Variants in RBFOX3 observed in about 807,000 individuals in gnomAD.
The protein encoded by RBFOX3 is RNA binding fox-1 homolog 3, also known as RNA binding protein fox-1 homolog 3.
A neutral mutation model predicts 48.7 loss-of-function variants in RBFOX3; 17 were observed. The observed-to-expected ratio is 0.35, with a 90% CI of 0.24 to 0.52. RBFOX3 has a LOEUF of 0.52. Ranked by LOEUF, RBFOX3 falls within the 20% of genes least tolerant of loss-of-function variation. RBFOX3 has a pLI of 0.94. For synonymous variants in RBFOX3, 212 were observed against 209.5 expected, an observed-to-expected ratio of 1.01 and a Z score of -0.10; for missense variants, 382 against 497.5, an observed-to-expected ratio of 0.77 and a Z score of 2.21.
intron 3 of RBFOX3, among the ~76,000 whole-genome samples, chr17:79,273,548 C>G (rs926771460): frequency 8.0e-6 from 1 of 124,666 alleles, no homozygotes; most frequent in Non-Finnish European, 1.6e-5. Flanking sequence ...GCTTGGCAGG[C>G]TATAGGGTAA....
chr17:79,176,458 G>C (rs1247441099), intron 4 of RBFOX3, among the ~76,000 whole-genome samples: 1 of 152,206 alleles, frequency 6.6e-6, no homozygotes, highest in African/African-American at 2.4e-5. Flanking sequence ...CCAGGCCCAA[G>C]CCCCCCAGCC....
chr17:79,120,979 G>C (rs989971737), intron 4 of RBFOX3, among the ~76,000 whole-genome samples: 6 of 151,846 alleles, frequency 4.0e-5, no homozygotes, highest in Admixed American at 1.3e-4. Context: ...CCCTGCCATG[G>C]GCCAGGCACT....
At chr17:79,163,637 A>G (rs1028188642) in intron 4 of RBFOX3, among the ~76,000 whole-genome samples, 2 of 152,194 alleles carry the variant, frequency 1.3e-5, no homozygotes, top group South Asian at 4.1e-4. Flanking sequence ...CTGCCCACCC[A>G]GCACTGGGTG....
intron 2 of RBFOX3, among the ~76,000 whole-genome samples, chr17:79,475,188 C>G (rs981432260): frequency 2.6e-5 from 4 of 152,128 alleles, no homozygotes; most frequent in African/African-American, 9.7e-5. Context: ...CTCAGCTCAT[C>G]GTTCCAGGTG....
intron 3 of RBFOX3, among the ~76,000 whole-genome samples, chr17:79,300,084 A>G (rs1199336245): frequency 6.6e-6 from 1 of 152,052 alleles, no homozygotes; most frequent in Non-Finnish European, 1.5e-5. Context: ...TTGTATTTTT[A>G]GTAGAGATGG....
chr17:79,516,611 C>T (rs998651039), intron 1 of RBFOX3, among the ~76,000 whole-genome samples: 1 of 152,222 alleles, frequency 6.6e-6, no homozygotes, highest in African/African-American at 2.4e-5. Context: ...CTCCTGAGAG[C>T]CTGGCCCAGA....
chr17:79,160,929 G>A (rs2046839716), intron 4 of RBFOX3, among the ~76,000 whole-genome samples: 2 of 148,582 alleles, frequency 1.3e-5, no homozygotes, highest in African/African-American at 5.0e-5. Flanking sequence ...GCAATGAGCT[G>A]AGATCACACC....
intron 4 of RBFOX3, among the ~76,000 whole-genome samples, chr17:79,213,082 C>T (rs2058587718): frequency 6.6e-6 from 1 of 152,214 alleles, no homozygotes; most frequent in South Asian, 2.1e-4. Flanking sequence ...GTCATGAACT[C>T]CTGACCTCAA....
intron 6 of RBFOX3, among the ~76,000 whole-genome samples, chr17:79,104,887 C>T (rs1191098488): frequency 2.4e-5 from 2 of 82,896 alleles, no homozygotes; most frequent in Non-Finnish European, 5.5e-5. Flanking sequence ...CCCTGCACAG[C>T]CTGTCATGGG....
chr17:79,379,182 T>C (rs1051803911), intron 2 of RBFOX3, among the ~76,000 whole-genome samples: 2 of 152,200 alleles, frequency 1.3e-5, no homozygotes, highest in African/African-American at 2.4e-5. Context: ...GAGCCAGCCA[T>C]GCGCTTGCTT....
At chr17:79,324,634 C>T (rs72849057) in intron 2 of RBFOX3, among the ~76,000 whole-genome samples, 17,461 of 152,190 alleles carry the variant, frequency 0.11, 1,338 homozygotes, top group South Asian at 0.18. Context: ...GAAAGCCTCC[C>T]GGCCCCATTT....
chr17:79,166,162 G>A (rs114021332), intron 4 of RBFOX3, among the ~76,000 whole-genome samples: 1,548 of 152,170 alleles, frequency 0.01, 35 homozygotes, highest in African/African-American at 0.035. Flanking sequence ...TCCCCCCCCG[G>A]GCAGGTAAGG....
intron 11 of RBFOX3, 23 bp downstream of exon 11, chr17:79,097,269 C>A: frequency 2.6e-6 from 4 of 1,528,526 alleles, no homozygotes; most frequent in Non-Finnish European, 3.5e-6. Context: ...CTCCTCCACG[C>A]CTCCCCCGGC....
intron 1 of RBFOX3, among the ~76,000 whole-genome samples, chr17:79,546,338 C>T (rs2090429434): frequency 6.6e-6 from 1 of 152,192 alleles, no homozygotes; most frequent in African/African-American, 2.4e-5. Context: ...GACAGTCTCC[C>T]TTTTCATCCA....
chr17:79,415,918 C>T (rs2148662215), intron 2 of RBFOX3, among the ~76,000 whole-genome samples: 1 of 152,240 alleles, frequency 6.6e-6, no homozygotes, highest in South Asian at 2.1e-4. Context: ...CAGGCCCCTC[C>T]CACCTCCTCA....
In RBFOX3 at chr17:79,477,729, G is replaced by A. The variant is rs745339117; in HGVS notation, c.-175+4725C>T. The stretch of plus-strand genomic sequence containing the variant: ...GCAGAATTAGGCAGGATCAGAATGA[G>A]GGACTGAAGTGGCTGAGCCTGGCAT... On this transcript the variant is annotated intron_variant, in intron 2 of 14. Coordinates refer to ENST00000693108, the MANE Select transcript of RBFOX3 (RefSeq NM_001350451.2). This position sits in a 1 kb window ranked among gnomAD's most constrained non-coding sequence, Gnocchi z 4.8. Among the ~76,000 whole-genome samples the A allele has an allele frequency of 4.9e-4, 74 of 152,176 alleles. No homozygotes were observed. Among genetic ancestry groups the A allele is most frequent in the Non-Finnish European group, 8.8e-5 (6 of 68,026 alleles).
intron 2 of RBFOX3, among the ~76,000 whole-genome samples, chr17:79,448,834 G>A (rs1357268669): frequency 6.6e-6 from 1 of 152,106 alleles, no homozygotes; most frequent in African/African-American, 2.4e-5. Flanking sequence ...CTCCCCACCT[G>A]GACGGCAGCC....
chr17:79,381,516 G>C (rs1006046125), intron 2 of RBFOX3, among the ~76,000 whole-genome samples: 1 of 152,164 alleles, frequency 6.6e-6, no homozygotes, highest in Non-Finnish European at 1.5e-5. Flanking sequence ...AGCGCATCCT[G>C]GGCCACAGAC....
chr17:79,512,875 ATACGTATTACCATCGGC>A (rs1376114593), intron 1 of RBFOX3, among the ~76,000 whole-genome samples: 1 of 144,696 alleles, frequency 6.9e-6, no homozygotes, highest in African/African-American at 2.6e-5. Context: ...GCACACCCGG[ATACGTATTACCATCGGC>A]TACGGCCCCA....
Sources: allele counts gnomAD v4.1 joint callset (sites outside exome capture counted in the v4.1 genomes callset), GRCh38; gene constraint gnomAD v4.1.1; non-coding constraint Gnocchi (gnomAD v3.1); transcripts MANE v1.5; gene names NCBI Gene and HGNC (gene_info 2026-07-23, HGNC 2026-07-21).